RBM33: variants seen among roughly 807,000 people sequenced by gnomAD.
RBM33 encodes RNA-binding protein 33.
In RBM33, 28 loss-of-function variants were observed where a neutral mutation model predicts 132.6. The ratio of observed to expected loss-of-function variants is 0.21; its 90% CI spans 0.16 to 0.29. The LOEUF (loss-of-function observed/expected upper bound fraction) is 0.29. Among genes scored for constraint, RBM33 ranks in the 10% least tolerant of loss-of-function variants. RBM33 has a pLI of 1.00. For synonymous variants in RBM33, 634 were observed against 593.0 expected (o/e 1.07, Z -1.01); for missense variants, 1,291 against 1,518.5 (o/e 0.85, Z 2.49).
In RBM33 at chr7:155,718,507, T is replaced by TA. The variant is rs1466711544; in HGVS notation, c.1260+65dup. On this transcript the variant is annotated intron_variant, in intron 9 of 17. Coordinates refer to ENST00000401878, the MANE Select transcript of RBM33 (RefSeq NM_053043.3). ...GCATACATTTACTAAGAAATATTAA[T>TA]ATAGCAAGTGCAAGAGGTTCCAGCC... 5.2e-6 allele frequency: 7 copies of TA among 1,343,296 alleles called. No individual in the cohort carries two copies. In the African/African-American group the frequency reaches 1.0e-4, roughly 19 times the overall value. The allele number at this position is 1,343,296 out of a possible 1,614,324, so 83.2% of individuals were successfully genotyped here.
intron 14 of RBM33, among the ~76,000 whole-genome samples, chr7:155,760,830 C>T (rs1420678953): frequency 6.6e-6 from 1 of 152,116 alleles, no homozygotes; most frequent in Non-Finnish European, 1.5e-5. Context: ...GGGTAGAAGA[C>T]CTTGTGGAGA....
intron 3 of RBM33, among the ~76,000 whole-genome samples, chr7:155,673,956 T>TTG (rs1799100263): frequency 2.7e-5 from 3 of 109,148 alleles, no homozygotes; most frequent in African/African-American, 1.1e-4. Context: ...TTTTTTTTTT[T>TTG]TTTTTTTTTT....
At chr7:155,680,992 T>G in intron 5 of RBM33, 84 bp downstream of exon 5, 1 of 1,123,080 alleles carries the variant, frequency 8.9e-7, no homozygotes, top group Non-Finnish European at 1.3e-6. Context: ...TCTATTTACC[T>G]CCCCTGGGAG....
In RBM33 at chr7:155,779,158, C is replaced by T. The variant is rs889880211; in HGVS notation, c.*4117C>T. ...GGCTTGACGTAATCGCTTTTAGACC[C>T]AGGTTGGCTTCCCTTCATTAAGCTA... is the stretch of plus-strand genomic sequence containing the variant. On this transcript the variant is annotated 3_prime_UTR_variant, in exon 18 of 18. Coordinates refer to ENST00000401878, the MANE Select transcript of RBM33 (RefSeq NM_053043.3). The T allele has an allele frequency of 6.6e-6, 1 of 151,498 alleles. No individual in the cohort carries two copies. Among genetic ancestry groups the T allele is most frequent in the African/African-American group, 2.4e-5 (1 of 41,156 alleles). The allele number at this position is 151,498 out of a possible 1,614,324, so 9.4% of individuals were successfully genotyped here. A position where few individuals can be genotyped will look rare whatever the true frequency, so the allele number is the denominator to read the frequency against.
At chr7:155,701,475 C>CTACA (rs1051681151) in intron 6 of RBM33, 1 of 156,356 alleles carries the variant, frequency 6.4e-6, no homozygotes, top group Admixed American at 6.3e-5. Context: ...GAAAGGTCTA[C>CTACA]TACAGACTGC....
chr7:155,741,749 A>G, intron 12 of RBM33, 70 bp from the exon 13 acceptor site: 1 of 1,348,112 alleles, frequency 7.4e-7, no homozygotes, highest in African/African-American at 1.5e-5. Context: ...TTTATTTAAT[A>G]ATGTGCCTTT....
chr7:155,768,947 G>A lies in RBM33; in HGVS notation c.3375+2292G>A, dbSNP rs114159896. 5.8e-3 allele frequency among the ~76,000 whole-genome samples: 890 copies of A among 152,282 alleles called. 8 individuals carry two copies. The highest frequency in any genetic ancestry group is 0.02 in the African/African-American group (849 of 41,556). ...TGTTAACTATACTTTTTAAACCCAT[G>A]GAATTTGAGAACTTTTCTCAGTGTA... On this transcript the variant is annotated intron_variant, in intron 16 of 17. Coordinates refer to ENST00000401878, the MANE Select transcript of RBM33 (RefSeq NM_053043.3).
At chr7:155,650,060 C>T (rs998728442) in intron 1 of RBM33, among the ~76,000 whole-genome samples, 2 of 152,240 alleles carry the variant, frequency 1.3e-5, no homozygotes, top group African/African-American at 2.4e-5. Context: ...TCCTCAGCCT[C>T]TTCTTTCCCA....
At chr7:155,659,300 C>G (rs1447378626) in intron 1 of RBM33, among the ~76,000 whole-genome samples, 1 of 152,060 alleles carries the variant, frequency 6.6e-6, no homozygotes, top group Non-Finnish European at 1.5e-5. Flanking sequence ...TAGACAGATG[C>G]TTTAACCTTC....
intron 15 of RBM33, among the ~76,000 whole-genome samples, chr7:155,765,280 C>A (rs937429760): frequency 6.6e-6 from 1 of 152,166 alleles, no homozygotes; most frequent in Non-Finnish European, 1.5e-5. Flanking sequence ...ATAACTTACT[C>A]TAGTTAGAAC....
intron 5 of RBM33, among the ~76,000 whole-genome samples, chr7:155,693,607 T>G (rs1456484051): frequency 6.7e-6 from 1 of 148,468 alleles, no homozygotes; most frequent in African/African-American, 2.4e-5. Context: ...ACTTTGTTTA[T>G]GTTGCTTGCT....
intron 16 of RBM33, 172 bp downstream of exon 16, chr7:155,766,827 A>G (rs1802238034): frequency 1.1e-5 from 7 of 662,006 alleles, no homozygotes; most frequent in Non-Finnish European, 1.8e-5. Context: ...ATTTGCCTCA[A>G]ACGTTTATTT....
chr7:155,693,542 T>G (rs903187454), intron 5 of RBM33, among the ~76,000 whole-genome samples: 4 of 152,178 alleles, frequency 2.6e-5, no homozygotes, highest in Non-Finnish European at 1.5e-5. Flanking sequence ...AAAAATATTT[T>G]TAAAAGGTAT....
At chr7:155,732,122 A>T (rs565486876) in intron 9 of RBM33, among the ~76,000 whole-genome samples, 79 of 152,306 alleles carry the variant, frequency 5.2e-4, no homozygotes, top group Non-Finnish European at 7.4e-4. Flanking sequence ...GCAACTGCAC[A>T]CTTGAAACTG....
At chr7:155,695,529 G>A (rs1799766536) in intron 5 of RBM33, among the ~76,000 whole-genome samples, 1 of 151,944 alleles carries the variant, frequency 6.6e-6, no homozygotes, top group African/African-American at 2.4e-5. Flanking sequence ...GCATGATCTC[G>A]GCTCACTGCA....
At chr7:155,673,766 G>GCA (rs776340484) in intron 3 of RBM33, among the ~76,000 whole-genome samples, 76,664 of 119,794 alleles carry the variant, frequency 0.64, 23,303 homozygotes, top group South Asian at 0.74. Flanking sequence ...GCGCGCATGC[G>GCA]CGCACACACA....
chr7:155,758,845 C>T (rs974315690), intron 14 of RBM33, among the ~76,000 whole-genome samples: 1 of 152,158 alleles, frequency 6.6e-6, no homozygotes, highest in South Asian at 2.1e-4. Context: ...AAGAGACCAC[C>T]GAGAGCCAGA....
rs56739117 is a variant in RBM33, at chr7:155,724,990, TTGTGTGTGTGTG to T, written c.1260+6583_1260+6594del. 3.8e-3 allele frequency among the ~76,000 whole-genome samples: 473 copies of T among 123,364 alleles called. 2 individuals carry two copies. The highest frequency in any genetic ancestry group is 2.9e-3 in the Non-Finnish European group (172 of 59,736). 80.9% of individuals were successfully genotyped at this position (123,364 alleles called of 152,430 possible). The stretch of plus-strand genomic sequence containing the variant: ...TTGCTGTAAACATTTGTGTACAGGT[TTGTGTGTGTGTG>T]TGTGTGTGTGTGTGTGTGTGTGTGT... On this transcript the variant is annotated intron_variant, in intron 9 of 17. Transcript: ENST00000401878.
intron 1 of RBM33, among the ~76,000 whole-genome samples, chr7:155,656,615 T>A (rs962541881): frequency 2.0e-5 from 3 of 152,208 alleles, no homozygotes; most frequent in Non-Finnish European, 4.4e-5. Flanking sequence ...TATGTATATA[T>A]CTCACAAGAG....
Sources: gnomAD v4.1 joint callset for allele counts (sites outside exome capture counted in the v4.1 genomes callset) on GRCh38, gnomAD v4.1.1 for gene constraint, MANE v1.5 for transcripts, NCBI Gene and HGNC (gene_info 2026-07-23, HGNC 2026-07-21) for gene names.